The following ERBB4 variants were observed in gnomAD, a reference collection of about 807,000 sequenced individuals.
ERBB4 encodes receptor tyrosine-protein kinase erbB-4.
ERBB4 carries 42 observed loss-of-function variants against 158.0 expected under a neutral mutation model. The observed-to-expected ratio is 0.27, with a 90% CI of 0.21 to 0.34. The LOEUF is 0.34. Among genes scored for constraint, ERBB4 ranks in the 10% least tolerant of loss-of-function variants. The pLI is 1.00. For synonymous variants in ERBB4, 583 were observed against 558.7 expected (o/e 1.04, Z -0.61); for missense variants, 1,333 against 1,624.1 (o/e 0.82, Z 3.08).
chr2:212,131,213 C>G (rs1038722529), intron 1 of ERBB4, among the ~76,000 whole-genome samples: 2 of 152,164 alleles, frequency 1.3e-5, no homozygotes, highest in African/African-American at 4.8e-5. Context: ...ACACTGCTAT[C>G]CCTTCCCTGG....
chr2:212,190,357 A>G (rs2082149865), intron 1 of ERBB4, among the ~76,000 whole-genome samples: 1 of 152,164 alleles, frequency 6.6e-6, no homozygotes. Context: ...TAACAGGGTG[A>G]AACCCCGTCT....
At chr2:212,057,106 A>C (rs915558619) in intron 2 of ERBB4, among the ~76,000 whole-genome samples, 4 of 151,450 alleles carry the variant, frequency 2.6e-5, no homozygotes, top group Non-Finnish European at 5.9e-5. Context: ...AATGGAAAAC[A>C]AAAAAAAGGC....
chr2:211,401,022 G>A (rs1220939108), intron 25 of ERBB4, among the ~76,000 whole-genome samples: 1 of 151,980 alleles, frequency 6.6e-6, no homozygotes, highest in African/African-American at 2.4e-5. Context: ...GAGAAATAAT[G>A]TGCAAGTTTC....
chr2:212,480,726 T>C (rs1028942289), intron 1 of ERBB4, among the ~76,000 whole-genome samples: 2 of 152,246 alleles, frequency 1.3e-5, no homozygotes, highest in African/African-American at 2.4e-5. Flanking sequence ...GGCATATGCC[T>C]TGAGTATCTC....
intron 2 of ERBB4, among the ~76,000 whole-genome samples, chr2:212,033,074 T>C (rs1198884049): frequency 6.6e-6 from 1 of 151,936 alleles, no homozygotes; most frequent in Non-Finnish European, 1.5e-5. Flanking sequence ...GTGGCCCTAT[T>C]AACACAGCTT....
chr2:211,891,914 G>A (rs201013156), intron 3 of ERBB4, among the ~76,000 whole-genome samples: 6,740 of 122,354 alleles, frequency 0.055, 227 homozygotes, highest in South Asian at 0.12. Context: ...GGCAATAATC[G>A]ATAGTTTACC....
chr2:211,989,791 G>A (rs1418361986), intron 2 of ERBB4, among the ~76,000 whole-genome samples: 1 of 151,850 alleles, frequency 6.6e-6, no homozygotes, highest in East Asian at 1.9e-4. Flanking sequence ...GTTGTTAATA[G>A]CACTATATAA....
At chr2:212,325,833 G>A (rs1312815838) in intron 1 of ERBB4, among the ~76,000 whole-genome samples, 1 of 150,344 alleles carries the variant, frequency 6.7e-6, no homozygotes, top group Non-Finnish European at 1.5e-5. Flanking sequence ...TGGGGGAGAG[G>A]TGTATACTGA....
intron 20 of ERBB4, among the ~76,000 whole-genome samples, chr2:211,532,511 T>A (rs182260007): frequency 6.6e-6 from 1 of 152,004 alleles, no homozygotes; most frequent in Admixed American, 6.6e-5. Flanking sequence ...TTGAAAAATA[T>A]ATATAGCAGT....
At chr2:211,664,183 G>T (rs2071532434) in intron 15 of ERBB4, among the ~76,000 whole-genome samples, 1 of 152,158 alleles carries the variant, frequency 6.6e-6, no homozygotes, top group Admixed American at 6.5e-5. Context: ...GCAAATTGAT[G>T]TTTTCTTGGC....
intron 1 of ERBB4, among the ~76,000 whole-genome samples, chr2:212,500,061 T>A: frequency 6.6e-6 from 1 of 152,078 alleles, no homozygotes; most frequent in Admixed American, 6.6e-5. Context: ...CGGAATTTAT[T>A]TTTTTCTCAT....
At chr2:211,773,351 A>C (rs1016312636) in intron 4 of ERBB4, among the ~76,000 whole-genome samples, 1 of 151,636 alleles carries the variant, frequency 6.6e-6, no homozygotes, top group Non-Finnish European at 1.5e-5. Flanking sequence ...GTATAAATTT[A>C]CATAAATGTT....
chr2:212,474,469 T>C (rs1369677973), intron 1 of ERBB4, among the ~76,000 whole-genome samples: 1 of 152,122 alleles, frequency 6.6e-6, no homozygotes, highest in Non-Finnish European at 1.5e-5. Context: ...ATGGTATTAG[T>C]ATGTCTCAGA....
intron 2 of ERBB4, among the ~76,000 whole-genome samples, chr2:212,023,709 T>A (rs926321160): frequency 6.6e-6 from 1 of 151,844 alleles, no homozygotes; most frequent in Non-Finnish European, 1.5e-5. Context: ...TAATTCAACT[T>A]TTCTTTTGAA....
At chr2:211,988,160 A>T (rs1233954456) in intron 2 of ERBB4, among the ~76,000 whole-genome samples, 1 of 152,192 alleles carries the variant, frequency 6.6e-6, no homozygotes, top group Non-Finnish European at 1.5e-5. Flanking sequence ...TGTTTATACT[A>T]TTAATTAATG....
At chr2:211,629,831 A>C (rs944966588) in intron 17 of ERBB4, among the ~76,000 whole-genome samples, 1 of 152,154 alleles carries the variant, frequency 6.6e-6, no homozygotes, top group Non-Finnish European at 1.5e-5. Flanking sequence ...TGCTGGGAAA[A>C]CTGGCTAGCC....
At chr2:212,377,125 ACGT>A (rs2090349341) in intron 1 of ERBB4, among the ~76,000 whole-genome samples, 2 of 151,468 alleles carry the variant, frequency 1.3e-5, no homozygotes, top group South Asian at 4.2e-4. Context: ...TATAGCTCTT[ACGT>A]GATACTGTAA....
rs192193060 is a variant in ERBB4, at chr2:211,785,967, G to T, written c.556+2058C>A. On this transcript the variant is annotated intron_variant, in intron 4 of 27. Coordinates refer to ENST00000342788, the MANE Select transcript of ERBB4 (RefSeq NM_005235.3). ...AGAAGAGGTCAATGGGCTTCACCAG[G>T]ATGCTACAGTGTCCATTGCCTCAAA... Among the ~76,000 whole-genome samples, 935 of 152,230 alleles carry T rather than the reference G, an allele frequency of 6.1e-3. 18 individuals carry two copies. Among genetic ancestry groups the T allele is most frequent in the Middle Eastern group, 0.048 (14 of 294 alleles).
At chr2:212,340,479 G>A (rs2106317885) in intron 1 of ERBB4, among the ~76,000 whole-genome samples, 1 of 152,280 alleles carries the variant, frequency 6.6e-6, no homozygotes, top group East Asian at 1.9e-4. Flanking sequence ...TTGTTTTCCT[G>A]CAACTGCATG....
Sources: gnomAD v4.1 joint callset for allele counts (sites outside exome capture counted in the v4.1 genomes callset) on GRCh38, gnomAD v4.1.1 for gene constraint, MANE v1.5 for transcripts, NCBI Gene and HGNC (gene_info 2026-07-23, HGNC 2026-07-21) for gene names.